The following PCDH11X variants were observed in gnomAD, a reference collection of about 807,000 sequenced individuals.
PCDH11X encodes the protein protocadherin 11 X-linked.
A neutral mutation model predicts 53.3 loss-of-function variants in PCDH11X; 18 were observed. The ratio of observed to expected loss-of-function variants is 0.34; its 90% CI spans 0.23 to 0.50. The LOEUF (loss-of-function observed/expected upper bound fraction) is 0.50, where lower values mean the gene tolerates loss of function less well. Ranked by LOEUF, PCDH11X falls within the 20% of genes least tolerant of loss-of-function variation. PCDH11X has a pLI of 0.98. For synonymous variants in PCDH11X, 279 were observed against 393.3 expected, an observed-to-expected ratio of 0.71 and a Z score of 3.44; for missense variants, 570 against 1,032.4, an observed-to-expected ratio of 0.55 and a Z score of 6.14.
At chrX:92,404,472 G>A (rs1262578395) in intron 9 of PCDH11X, among the ~76,000 whole-genome samples, 3 of 110,658 alleles carry the variant, frequency 2.7e-5, no homozygotes, top group Non-Finnish European at 5.7e-5. Flanking sequence ...TCTTTCACTC[G>A]ATCACATAGA....
At chrX:91,929,120 T>C (rs1360450333) in intron 6 of PCDH11X, among the ~76,000 whole-genome samples, 1 of 111,419 alleles carries the variant, frequency 9.0e-6, no homozygotes, top group Non-Finnish European at 1.9e-5. Context: ...TAAAATGAAG[T>C]AATAAATTTA....
chrX:92,365,662 A>T (rs1231648753), intron 8 of PCDH11X, among the ~76,000 whole-genome samples: 1 of 112,132 alleles, frequency 8.9e-6, no homozygotes, highest in East Asian at 2.8e-4. Flanking sequence ...TGTTCAATCA[A>T]TACCTAGTTT....
In PCDH11X at chrX:91,938,707, C is replaced by A. The variant is rs1245652883; in HGVS notation, c.3033+59434C>A. Among the ~76,000 whole-genome samples, 20 of 110,619 alleles carry A rather than the reference C, an allele frequency of 1.8e-4. 1 individual carries two copies. The Admixed American group carries it at 1.9e-3, about 11-fold the overall frequency. On this transcript the variant is annotated intron_variant, in intron 6 of 10. Coordinates refer to ENST00000682573, the MANE Select transcript of PCDH11X (RefSeq NM_032968.5). Reference sequence around the variant, plus strand: ...TTCTTATACATGGCTAGAAATAGTGCCTGTTTCTACTAGTCAGACTGGAAA... The same window carrying A: ...TTCTTATACATGGCTAGAAATAGTGACTGTTTCTACTAGTCAGACTGGAAA...
chrX:92,605,584 C>T (rs2750690), intron 10 of PCDH11X, among the ~76,000 whole-genome samples: 4 of 111,833 alleles, frequency 3.6e-5, no homozygotes, highest in African/African-American at 6.5e-5. Flanking sequence ...GAAAATCTTA[C>T]GAAATCTATT....
intron 8 of PCDH11X, among the ~76,000 whole-genome samples, chrX:92,371,193 A>T (rs2070615209): frequency 9.1e-6 from 1 of 109,413 alleles, no homozygotes; most frequent in Admixed American, 9.8e-5. Context: ...CTTATAATTA[A>T]GGTGTTTAAT....
intron 8 of PCDH11X, among the ~76,000 whole-genome samples, chrX:92,272,703 T>A (rs2148428909): frequency 8.9e-6 from 1 of 112,531 alleles, no homozygotes; most frequent in African/African-American, 3.2e-5. Context: ...AAATATTTAA[T>A]GAATATGTGT....
At chrX:92,180,667 G>C (rs1456280624) in intron 6 of PCDH11X, among the ~76,000 whole-genome samples, 2 of 111,152 alleles carry the variant, frequency 1.8e-5, no homozygotes, top group African/African-American at 6.6e-5. Flanking sequence ...AATCATGGGG[G>C]CAAGTCTTTC....
In PCDH11X at chrX:92,613,545, T is replaced by TG. The variant is rs1183707374; in HGVS notation, c.3368-4719_3368-4718insG. ...TTAAGTTTTTTTGTTGTTGTTGTTG[T>TG]TGTGTGTGTGTGTGTGTGTGTGTGT... is the stretch of plus-strand genomic sequence containing the variant. On this transcript the variant is annotated intron_variant, in intron 10 of 10. Coordinates refer to ENST00000682573, the MANE Select transcript of PCDH11X (RefSeq NM_032968.5). Among the ~76,000 whole-genome samples the TG allele has an allele frequency of 7.7e-3, 504 of 65,493 alleles. 5 individuals carry two copies. Among genetic ancestry groups the TG allele is most frequent in the Middle Eastern group, 0.015 (2 of 134 alleles). The allele number at this position is 65,493 out of a possible 115,157, so 56.9% of individuals were successfully genotyped here.
At chrX:92,185,792 A>G (rs1323231194) in intron 6 of PCDH11X, among the ~76,000 whole-genome samples, 1 of 110,706 alleles carries the variant, frequency 9.0e-6, no homozygotes, top group Admixed American at 9.7e-5. Flanking sequence ...TCACAATGAG[A>G]AATAATTTTA....
intron 6 of PCDH11X, among the ~76,000 whole-genome samples, chrX:91,907,072 C>T (rs1343999293): frequency 9.1e-6 from 1 of 110,128 alleles, no homozygotes; most frequent in Non-Finnish European, 1.9e-5. Flanking sequence ...CTGCCAACTT[C>T]ATGCCATACA....
At chrX:92,190,490 G>A (rs964447186) in intron 6 of PCDH11X, among the ~76,000 whole-genome samples, 23 of 111,641 alleles carry the variant, frequency 2.1e-4, no homozygotes, top group African/African-American at 7.1e-4. Context: ...TACAAATTTT[G>A]TTTATTTCTG....
intron 6 of PCDH11X, among the ~76,000 whole-genome samples, chrX:91,987,360 G>A (rs1377658936): frequency 8.9e-6 from 1 of 111,751 alleles, no homozygotes; most frequent in Non-Finnish European, 1.9e-5. Context: ...GGGATTACAG[G>A]CATGAGCCAC....
chrX:92,289,108 T>A (rs1256635883), intron 8 of PCDH11X, among the ~76,000 whole-genome samples: 1 of 111,963 alleles, frequency 8.9e-6, no homozygotes, highest in Non-Finnish European at 1.9e-5. Flanking sequence ...ATTTTTATGG[T>A]TGTTCTTTAT....
At chrX:92,024,479 G>A (rs1393849721) in intron 6 of PCDH11X, among the ~76,000 whole-genome samples, 4 of 110,331 alleles carry the variant, frequency 3.6e-5, no homozygotes, top group East Asian at 5.7e-4. Context: ...ATCTCTTCAA[G>A]GAGAACTGCA....
At chrX:91,966,118 T>C (rs774799334) in intron 6 of PCDH11X, among the ~76,000 whole-genome samples, 61 of 109,942 alleles carry the variant, frequency 5.5e-4, no homozygotes, top group African/African-American at 2.0e-3. Flanking sequence ...TCTCATTATC[T>C]GGATGCCCTG....
chrX:92,588,122 C>A (rs1184085273), intron 10 of PCDH11X, among the ~76,000 whole-genome samples: 1 of 92,652 alleles, frequency 1.1e-5, no homozygotes. Flanking sequence ...TTATTTTGAA[C>A]CTGCATTGAG....
chrX:91,909,252 G>A (rs1383461442), intron 6 of PCDH11X, among the ~76,000 whole-genome samples: 1 of 111,612 alleles, frequency 9.0e-6, no homozygotes, highest in African/African-American at 3.3e-5. Context: ...AAATGGTATA[G>A]TAAAAGAAGA....
At chrX:91,834,536 A>G (rs1937226013) in intron 4 of PCDH11X, 1 of 108,365 alleles carries the variant, frequency 9.2e-6, no homozygotes, top group Non-Finnish European at 1.9e-5. Flanking sequence ...TATATGAACT[A>G]CCTTCTGCGT....
intron 7 of PCDH11X, among the ~76,000 whole-genome samples, chrX:92,217,328 C>T (rs1365345224): frequency 9.3e-6 from 1 of 107,769 alleles, no homozygotes; most frequent in African/African-American, 3.4e-5. Flanking sequence ...CAGAGACACA[C>T]ATAGGCTCAA....
Sources: gnomAD v4.1 joint callset for allele counts (sites outside exome capture counted in the v4.1 genomes callset) on GRCh38, gnomAD v4.1.1 for gene constraint, MANE v1.5 for transcripts, NCBI Gene and HGNC (gene_info 2026-07-23, HGNC 2026-07-21) for gene names.